Variants in CDK14 observed in about 807,000 individuals in gnomAD.
CDK14 encodes cyclin dependent kinase 14.
In CDK14, 34 loss-of-function variants were observed where a neutral mutation model predicts 60.7. The observed-to-expected ratio is 0.56, with a 90% CI of 0.43 to 0.75. The LOEUF (loss-of-function observed/expected upper bound fraction) is 0.75, where lower values mean the gene tolerates loss of function less well. Ranked by LOEUF, CDK14 falls within the 30% of genes least tolerant of loss-of-function variation. CDK14 has a pLI of 0.00. For synonymous variants in CDK14, 197 were observed against 203.7 expected, an observed-to-expected ratio of 0.97 and a Z score of 0.28; for missense variants, 482 against 564.1, an observed-to-expected ratio of 0.85 and a Z score of 1.47.
At chr7:91,165,534 A>T (rs1401061250) in intron 14 of CDK14, among the ~76,000 whole-genome samples, 1 of 152,196 alleles carries the variant, frequency 6.6e-6, no homozygotes, top group Non-Finnish European at 1.5e-5. Flanking sequence ...AGTGTTCTGT[A>T]CTAAGTCATC....
At chr7:90,718,502 C>T (rs1802332354) in intron 2 of CDK14, among the ~76,000 whole-genome samples, 1 of 152,032 alleles carries the variant, frequency 6.6e-6, no homozygotes, top group Non-Finnish European at 1.5e-5. Context: ...AGACTGAGAT[C>T]TGGGGAATTT....
chr7:90,625,891 A>G (rs1432855982), intron 2 of CDK14, among the ~76,000 whole-genome samples: 1 of 152,186 alleles, frequency 6.6e-6, no homozygotes, highest in Non-Finnish European at 1.5e-5. Context: ...ACCATTTTCC[A>G]TTATTGGAGA....
At chr7:90,605,135 C>T (rs1041835602) in intron 2 of CDK14, among the ~76,000 whole-genome samples, 1 of 152,176 alleles carries the variant, frequency 6.6e-6, no homozygotes, top group Non-Finnish European at 1.5e-5. Flanking sequence ...CCTGTCTTCC[C>T]TCTGCTGCAG....
intron 14 of CDK14, among the ~76,000 whole-genome samples, chr7:91,146,883 T>TA (rs1800654305): frequency 6.6e-6 from 1 of 152,134 alleles, no homozygotes; most frequent in South Asian, 2.1e-4. Context: ...ATTATACACA[T>TA]ACCTATCAAT....
chr7:91,180,475 T>C (rs1801966576), intron 14 of CDK14, among the ~76,000 whole-genome samples: 1 of 150,342 alleles, frequency 6.7e-6, no homozygotes, highest in African/African-American at 2.5e-5. Context: ...AGTATACACA[T>C]ACATGCATAG....
intron 12 of CDK14, among the ~76,000 whole-genome samples, chr7:91,102,099 A>G (rs997347186): frequency 1.3e-5 from 2 of 152,164 alleles, no homozygotes; most frequent in African/African-American, 4.8e-5. Flanking sequence ...TCAGATGTTG[A>G]TTAATTCAGT....
chr7:90,711,634 G>A (rs1802062154), intron 2 of CDK14, among the ~76,000 whole-genome samples: 1 of 152,022 alleles, frequency 6.6e-6, no homozygotes, highest in Non-Finnish European at 1.5e-5. Context: ...GTAAAACATT[G>A]TAAGACCTGC....
At chr7:91,061,750 T>C (rs1348879442) in intron 11 of CDK14, among the ~76,000 whole-genome samples, 1 of 152,200 alleles carries the variant, frequency 6.6e-6, no homozygotes, top group African/African-American at 2.4e-5. Flanking sequence ...TGCCTGATCG[T>C]TCCTCTGGAA....
chr7:91,053,813 G>C (rs1051385877), intron 11 of CDK14, among the ~76,000 whole-genome samples: 3 of 152,100 alleles, frequency 2.0e-5, no homozygotes, highest in Admixed American at 2.0e-4. Context: ...CTGCGGGGGG[G>C]CTCTTTGTGC....
chr7:90,764,942 C>T (rs1317481830), intron 4 of CDK14, among the ~76,000 whole-genome samples: 1 of 152,168 alleles, frequency 6.6e-6, no homozygotes, highest in Admixed American at 6.5e-5. Context: ...CCTGTTGTAA[C>T]CCAACAGAGA....
chr7:91,115,362 A>C (rs1157654481), intron 13 of CDK14, among the ~76,000 whole-genome samples: 1 of 152,116 alleles, frequency 6.6e-6, no homozygotes, highest in Non-Finnish European at 1.5e-5. Flanking sequence ...CTGTGTCTTC[A>C]CAGGGTGGAG....
intron 5 of CDK14, among the ~76,000 whole-genome samples, chr7:90,860,133 C>T (rs1790955343): frequency 6.6e-6 from 1 of 152,010 alleles, no homozygotes; most frequent in Non-Finnish European, 1.5e-5. Flanking sequence ...CAAATTAATA[C>T]TCATGCTTAT....
intron 4 of CDK14, among the ~76,000 whole-genome samples, chr7:90,762,899 G>T (rs973316192): frequency 2.2e-4 from 33 of 152,232 alleles, no homozygotes; most frequent in Middle Eastern, 3.4e-3. Flanking sequence ...TGAGGCAGAA[G>T]AATTGCTTGA....
At chr7:90,992,580 A>G (rs1488795135) in intron 10 of CDK14, among the ~76,000 whole-genome samples, 1 of 152,212 alleles carries the variant, frequency 6.6e-6, no homozygotes, top group Admixed American at 6.5e-5. Flanking sequence ...ATGCCATTTT[A>G]CATACCATGT....
At chr7:91,138,201 T>A (rs1800343321) in intron 14 of CDK14, among the ~76,000 whole-genome samples, 1 of 152,240 alleles carries the variant, frequency 6.6e-6, no homozygotes, top group Non-Finnish European at 1.5e-5. Flanking sequence ...GCTGTGGGGA[T>A]ATAATTGCTG....
intron 8 of CDK14, among the ~76,000 whole-genome samples, chr7:90,938,613 A>G (rs1793823822): frequency 6.6e-6 from 1 of 152,220 alleles, no homozygotes; most frequent in Admixed American, 6.5e-5. Flanking sequence ...CTTTATGATA[A>G]TAATAGTGCA....
At chr7:91,008,412 C>T (rs937574419) in intron 10 of CDK14, among the ~76,000 whole-genome samples, 2 of 152,134 alleles carry the variant, frequency 1.3e-5, no homozygotes, top group African/African-American at 4.8e-5. Flanking sequence ...CAAATGTAAA[C>T]TTTCTTAAAT....
intron 10 of CDK14, among the ~76,000 whole-genome samples, chr7:90,987,870 T>C (rs1795416341): frequency 6.6e-6 from 1 of 152,144 alleles, no homozygotes; most frequent in Non-Finnish European, 1.5e-5. Flanking sequence ...TGGCCTCTGG[T>C]AAAGCATTGC....
intron 8 of CDK14, among the ~76,000 whole-genome samples, chr7:90,918,307 G>T (rs1223655563): frequency 2.6e-5 from 4 of 152,148 alleles, no homozygotes; most frequent in Admixed American, 2.6e-4. Flanking sequence ...TTCAATATCA[G>T]TGCAAAAATA....
Sources: gnomAD v4.1 joint callset for allele counts (sites outside exome capture counted in the v4.1 genomes callset) on GRCh38, gnomAD v4.1.1 for gene constraint, MANE v1.5 for transcripts, NCBI Gene and HGNC (gene_info 2026-07-23, HGNC 2026-07-21) for gene names.